Variants in ROBO1 observed in about 807,000 individuals in gnomAD.
The protein encoded by ROBO1 is roundabout guidance receptor 1.
ROBO1 carries 149 observed loss-of-function variants against 195.9 expected under a neutral mutation model. The observed-to-expected ratio is 0.76, with a 90% CI of 0.67 to 0.87. The LOEUF (loss-of-function observed/expected upper bound fraction) is 0.87. ROBO1 is among the 40% of genes least tolerant of loss of function. The probability of loss-of-function intolerance (pLI) is 0.00; values close to 1 mark genes in which losing one functional copy is unlikely to be tolerated. For missense variants in ROBO1, 1,933 were observed against 2,068.3 expected, an observed-to-expected ratio of 0.93 and a Z score of 1.27; for synonymous variants, 816 against 733.2, an observed-to-expected ratio of 1.11 and a Z score of -1.82.
At chr3:79,663,667 C>A (rs1202493533) in intron 1 of ROBO1, among the ~76,000 whole-genome samples, 1 of 151,902 alleles carries the variant, frequency 6.6e-6, no homozygotes, top group Non-Finnish European at 1.5e-5. Context: ...TATTCTTAAT[C>A]CACCCTTTCT....
intron 1 of ROBO1, among the ~76,000 whole-genome samples, chr3:79,626,061 T>G (rs1024342771): frequency 6.6e-6 from 1 of 152,176 alleles, no homozygotes; most frequent in Non-Finnish European, 1.5e-5. Context: ...ATAAATGTAA[T>G]CCATCACATA....
intron 2 of ROBO1, among the ~76,000 whole-genome samples, chr3:79,151,637 A>G (rs1309607324): frequency 6.6e-6 from 1 of 151,798 alleles, no homozygotes; most frequent in Non-Finnish European, 1.5e-5. Flanking sequence ...ACTTTCTAAT[A>G]TATTGAGAAT....
chr3:78,910,616 A>G (rs1372035246), intron 4 of ROBO1, among the ~76,000 whole-genome samples: 3 of 152,000 alleles, frequency 2.0e-5, no homozygotes, highest in African/African-American at 7.2e-5. Context: ...GAGAAATGAG[A>G]AAAAGAGAGA....
intron 3 of ROBO1, among the ~76,000 whole-genome samples, chr3:79,086,362 G>T (rs1030306892): frequency 6.6e-6 from 1 of 151,858 alleles, no homozygotes; most frequent in African/African-American, 2.4e-5. Context: ...TTTTTAAAAA[G>T]TTTAACACAC....
chr3:79,758,984 G>A (rs540279869), intron 1 of ROBO1, among the ~76,000 whole-genome samples: 13 of 152,060 alleles, frequency 8.5e-5, no homozygotes, highest in Admixed American at 8.5e-4. Flanking sequence ...TTTATATTTG[G>A]TATAGAGATT....
chr3:79,509,559 G>A (rs1226041213), intron 2 of ROBO1, among the ~76,000 whole-genome samples: 1 of 152,126 alleles, frequency 6.6e-6, no homozygotes, highest in Non-Finnish European at 1.5e-5. Context: ...CTTAATACAT[G>A]TGTCAATGTG....
chr3:79,754,966 T>C (rs1247051490), intron 1 of ROBO1, among the ~76,000 whole-genome samples: 1 of 152,140 alleles, frequency 6.6e-6, no homozygotes, highest in East Asian at 1.9e-4. Flanking sequence ...CTGCAACCTC[T>C]GCCTCCCAGG....
chr3:79,084,544 A>T (rs560982729), intron 3 of ROBO1, among the ~76,000 whole-genome samples: 69 of 152,306 alleles, frequency 4.5e-4, no homozygotes, highest in African/African-American at 1.5e-3. Flanking sequence ...GAATGTAAAC[A>T]TTAGCTAAAA....
At chr3:79,545,478 C>T (rs1942230308) in intron 2 of ROBO1, among the ~76,000 whole-genome samples, 1 of 152,116 alleles carries the variant, frequency 6.6e-6, no homozygotes, top group African/African-American at 2.4e-5. Flanking sequence ...GGCTTGAATC[C>T]CAACTCAGCC....
At chr3:79,636,112 A>G (rs191617311) in intron 1 of ROBO1, among the ~76,000 whole-genome samples, 2 of 152,252 alleles carry the variant, frequency 1.3e-5, no homozygotes, top group Admixed American at 1.3e-4. Flanking sequence ...ATTATAAAAT[A>G]AGTACTCTAT....
intron 1 of ROBO1, among the ~76,000 whole-genome samples, chr3:79,727,738 G>C (rs1049355284): frequency 6.6e-6 from 1 of 152,040 alleles, no homozygotes; most frequent in Non-Finnish European, 1.5e-5. Flanking sequence ...TATCCTGCCT[G>C]CACCCTTTTA....
chr3:78,909,787 C>T (rs1318337406), intron 4 of ROBO1, among the ~76,000 whole-genome samples: 1 of 151,426 alleles, frequency 6.6e-6, no homozygotes, highest in Admixed American at 6.6e-5. Context: ...TTTTTTTACA[C>T]CACCAGTGTA....
chr3:79,092,941 A>G (rs1236050896), intron 3 of ROBO1, among the ~76,000 whole-genome samples: 1 of 152,188 alleles, frequency 6.6e-6, no homozygotes, highest in Non-Finnish European at 1.5e-5. Flanking sequence ...ATTAAAAAGA[A>G]TTAATTTCAA....
At chr3:79,455,810 CT>C (rs2039601445) in intron 2 of ROBO1, among the ~76,000 whole-genome samples, 1 of 152,124 alleles carries the variant, frequency 6.6e-6, no homozygotes, top group African/African-American at 2.4e-5. Flanking sequence ...TAAAAAAGAA[CT>C]AGCATTTGAG....
At chr3:79,362,865 A>T (rs1334348192) in intron 2 of ROBO1, among the ~76,000 whole-genome samples, 1 of 152,154 alleles carries the variant, frequency 6.6e-6, no homozygotes, top group Non-Finnish European at 1.5e-5. Flanking sequence ...TGGGATGATA[A>T]AAGAGTTCTT....
chr3:79,504,172 T>A (rs1940269058), intron 2 of ROBO1, among the ~76,000 whole-genome samples: 1 of 152,170 alleles, frequency 6.6e-6, no homozygotes, highest in Admixed American at 6.5e-5. Flanking sequence ...TTACGTTAAA[T>A]CAAGGGCATT....
At chr3:78,750,321 CG>C (rs2082758460) in intron 4 of ROBO1, among the ~76,000 whole-genome samples, 1 of 151,258 alleles carries the variant, frequency 6.6e-6, no homozygotes, top group Non-Finnish European at 1.5e-5. Context: ...GGCTTGGTGG[CG>C]GGCACCTGTA....
At chr3:79,150,254 T>C (rs1204242082) in intron 2 of ROBO1, among the ~76,000 whole-genome samples, 1 of 151,830 alleles carries the variant, frequency 6.6e-6, no homozygotes, top group African/African-American at 2.4e-5. Flanking sequence ...ATTTTTCTTT[T>C]TTTTTTTCAG....
intron 5 of ROBO1, among the ~76,000 whole-genome samples, chr3:78,727,393 G>T (rs1485646299): frequency 1.3e-5 from 2 of 152,094 alleles, no homozygotes; most frequent in Non-Finnish European, 2.9e-5. Flanking sequence ...CTGGGAGGCC[G>T]AGGCGGGCGG....
Sources: allele counts gnomAD v4.1 joint callset (sites outside exome capture counted in the v4.1 genomes callset), GRCh38; gene constraint gnomAD v4.1.1; transcripts MANE v1.5; gene names NCBI Gene and HGNC (gene_info 2026-07-23, HGNC 2026-07-21).